The following DNAH5 variants were observed in gnomAD, a reference collection of about 807,000 sequenced individuals.
The protein encoded by DNAH5 is axonemal beta dynein heavy chain 5.
A neutral mutation model predicts 518.2 loss-of-function variants in DNAH5; 372 were observed. The ratio of observed to expected loss-of-function variants is 0.72; its 90% CI spans 0.66 to 0.78. The LOEUF is 0.78. Ranked by LOEUF, DNAH5 falls within the 30% of genes least tolerant of loss-of-function variation. DNAH5 has a pLI of 0.00. For missense variants in DNAH5, 5,523 were observed against 5,687.0 expected (o/e 0.97, Z 0.93); for synonymous variants, 2,039 against 2,025.9 (o/e 1.01, Z -0.17).
intron 38 of DNAH5, 119 bp from the exon 39 acceptor site, chr5:13,824,452 A>C: frequency 1.0e-6 from 1 of 964,682 alleles, no homozygotes; most frequent in South Asian, 1.4e-5. Context: ...CCTTCAGAAA[A>C]TGCATACACA....
At chr5:13,831,586 C>G (rs1763674639) in intron 35 of DNAH5, among the ~76,000 whole-genome samples, 1 of 152,174 alleles carries the variant, frequency 6.6e-6, no homozygotes, top group Admixed American at 6.6e-5. Flanking sequence ...ACTGAGTGCA[C>G]CAGCTGGGGG....
At chr5:13,902,516 C>G (rs894896406) in intron 12 of DNAH5, among the ~76,000 whole-genome samples, 3 of 152,188 alleles carry the variant, frequency 2.0e-5, no homozygotes, top group Non-Finnish European at 2.9e-5. Flanking sequence ...AATTGATTCA[C>G]AAGTTGGGAA....
chr5:13,974,491 C>T (rs1782098541), intron 1 of DNAH5, among the ~76,000 whole-genome samples: 1 of 152,142 alleles, frequency 6.6e-6, no homozygotes. Flanking sequence ...TCATTAATAC[C>T]TGTGATAGGA....
In DNAH5 at chr5:13,921,740, G is replaced by A. The variant is rs527653735; in HGVS notation, c.660+367C>T. ...GGATCTCTTCCCACCTCCATCTGCC[G>A]CCCACACACACCCCCCCACACACAC... On this transcript the variant is annotated intron_variant, in intron 5 of 78. Coordinates refer to ENST00000265104, the MANE Select transcript of DNAH5 (RefSeq NM_001369.3). Among the ~76,000 whole-genome samples the A allele has an allele frequency of 2.5e-4, 24 of 96,520 alleles. 2 individuals are homozygous for A. Among genetic ancestry groups the A allele is most frequent in the African/African-American group, 8.2e-4 (20 of 24,478 alleles). The allele number at this position is 96,520 out of a possible 152,430, so 63.3% of individuals were successfully genotyped here. A position where few individuals can be genotyped will look rare whatever the true frequency, so the allele number is the denominator to read the frequency against.
At chr5:13,841,297 T>TC (rs1243537213) in intron 33 of DNAH5, among the ~76,000 whole-genome samples, 167 bp from the exon 34 acceptor site, 11 of 152,224 alleles carry the variant, frequency 7.2e-5, no homozygotes, top group Non-Finnish European at 1.0e-4. Context: ...TCTTATCATT[T>TC]TGAGTCATTT....
At position 13,753,330 on chromosome 5, in the gene DNAH5, A is replaced by G; in HGVS notation, c.10775T>C (p.Ile3592Thr). Residue 3592 changes from isoleucine to threonine, a missense_variant, in exon 63 of 79, where the codon ATT becomes ACT. Ile to Thr is a moderately conservative substitution (Grantham distance 89). Coordinates refer to ENST00000265104, the MANE Select transcript of DNAH5 (RefSeq NM_001369.3). Reference protein sequence around the residue: ...PNDDLSIQNGIIVTKASRYPL... With the variant: ...PNDDLSIQNGTIVTKASRYPL... ...GTAACGAGATGCCTTCGTGACAATAATTCCATTTTGAATGGACAAGTCATC... is the reference window on the plus strand; with the variant it reads ...GTAACGAGATGCCTTCGTGACAATAGTTCCATTTTGAATGGACAAGTCATC... 6.2e-7 allele frequency: 1 copy of G among 1,613,934 alleles called. No individual in the cohort carries two copies. The highest frequency in any genetic ancestry group is 8.5e-7 in the Non-Finnish European group (1 of 1,179,836).
Position 13,727,582 on chromosome 5 carries a change from G to A in DNAH5, c.11958C>T (p.Ala3986=), listed in dbSNP as rs2126564466. Residue 3986 remains alanine (A), a synonymous_variant, in exon 70 of 79, where the codon GCC becomes GCT. Coordinates refer to ENST00000265104, the MANE Select transcript of DNAH5 (RefSeq NM_001369.3). ...TGAAGCAGTCAAGAGATTTATCATAGGCATTTGGAAGAGGTTCCTCCTCCG... is the reference window on the plus strand; with the variant it reads ...TGAAGCAGTCAAGAGATTTATCATAAGCATTTGGAAGAGGTTCCTCCTCCG... The part of the protein sequence containing the change: ...ENPEEEPLPN[A]YDKSLDCFRR... 1 of 1,613,824 alleles carries A rather than the reference G, an allele frequency of 6.2e-7. No individual in the cohort carries two copies.
chr5:13,902,660 CACAA>C (rs1774792626), intron 12 of DNAH5, among the ~76,000 whole-genome samples: 1 of 152,202 alleles, frequency 6.6e-6, no homozygotes, highest in South Asian at 2.1e-4. Flanking sequence ...ATAGACAGTA[CACAA>C]ACAAATGGGC....
At chr5:13,795,709 C>T (rs1178721502) in intron 47 of DNAH5, among the ~76,000 whole-genome samples, 2 of 150,846 alleles carry the variant, frequency 1.3e-5, no homozygotes, top group South Asian at 4.2e-4. Flanking sequence ...ATGAGGCCAG[C>T]GTCATCCTGA....
chr5:13,724,574 G>A (rs1240232491), intron 70 of DNAH5, among the ~76,000 whole-genome samples: 1 of 152,150 alleles, frequency 6.6e-6, no homozygotes, highest in Non-Finnish European at 1.5e-5. Flanking sequence ...GAGGGGCCAT[G>A]GGAGGAATAA....
intron 41 of DNAH5, among the ~76,000 whole-genome samples, chr5:13,819,174 TGA>T: frequency 6.6e-6 from 1 of 152,174 alleles, no homozygotes; most frequent in Non-Finnish European, 1.5e-5. Flanking sequence ...AAAATATTAT[TGA>T]GAAAAATTTG....
At chr5:13,841,580 TA>T (rs1487983042) in intron 33 of DNAH5, 111 bp downstream of exon 33, 5 of 820,644 alleles carry the variant, frequency 6.1e-6, no homozygotes, top group Non-Finnish European at 8.0e-6. Flanking sequence ...ATGAAAATCT[TA>T]ATACTGGTCT....
At chr5:13,878,515 C>A (rs182876043) in intron 21 of DNAH5, among the ~76,000 whole-genome samples, 7 of 152,312 alleles carry the variant, frequency 4.6e-5, no homozygotes, top group Admixed American at 4.6e-4. Context: ...CCTCCAGCAG[C>A]TGGAGCCACA....
At chr5:13,699,741 G>A (rs1741834999) in intron 78 of DNAH5, among the ~76,000 whole-genome samples, 1 of 152,112 alleles carries the variant, frequency 6.6e-6, no homozygotes, top group South Asian at 2.1e-4. Flanking sequence ...AATACTTGTA[G>A]TTCATAAATT....
At chr5:13,766,496 G>T (rs983816203) in intron 58 of DNAH5, among the ~76,000 whole-genome samples, 4 of 152,206 alleles carry the variant, frequency 2.6e-5, no homozygotes, top group Admixed American at 2.6e-4. Flanking sequence ...AGAATAGTCA[G>T]CACATAAGTA....
At chr5:13,930,022 G>A (rs980690725) in intron 2 of DNAH5, among the ~76,000 whole-genome samples, 42 of 152,274 alleles carry the variant, frequency 2.8e-4, no homozygotes, top group Middle Eastern at 3.4e-3. Context: ...AACAGGGACC[G>A]ACACATGGTA....
rs201266962 is a variant in DNAH5, at chr5:13,841,778, A to G, written c.5398T>C (p.Leu1800=). ...NSLLEESQSS[L]HLVIRQAAAN... ...GCTGCCTGGCGAATCACAAGATGCA[A>G]TGAGGACTGAGATTCTTCCAAAAGA... The change falls in exon 33 of 79, where the codon TTG becomes CTG. Residue 1800 remains leucine, a synonymous_variant. Coordinates refer to ENST00000265104, the MANE Select transcript of DNAH5 (RefSeq NM_001369.3). 16 of 1,614,040 alleles carry G rather than the reference A, an allele frequency of 9.9e-6. No homozygotes were observed. The highest frequency in any genetic ancestry group is 1.6e-4 in the Middle Eastern group (1 of 6,062).
At position 13,818,487 on chromosome 5, in the gene DNAH5, G is replaced by T. The variant is rs552649423; in HGVS notation, c.6842-793C>A. Among the ~76,000 whole-genome samples the T allele has an allele frequency of 1.3e-4, 20 of 152,174 alleles. No homozygotes were observed. The South Asian group carries it at 1.9e-3, about 14-fold the overall frequency. The stretch of plus-strand genomic sequence containing the variant: ...CGGAAGTGCCAAAGCACTTCCTTGC[G>T]TATATCATGTTCTCTCCAATCCCTC... On this transcript the variant is annotated intron_variant, in intron 41 of 78. Coordinates refer to ENST00000265104, the MANE Select transcript of DNAH5 (RefSeq NM_001369.3).
At position 13,922,126 on chromosome 5, in the gene DNAH5, T is replaced by C; in HGVS notation, c.641A>G (p.Gln214Arg). ...EGFVNVLSGA[Q>R]ESLKEKVNLR... ...CCTCACCTTCTCCTTCAGACTCTCC[T>C]GTGCACCCGACAGGACGTTCACAAA... The change falls in exon 5 of 79, where the codon CAG (glutamine) becomes CGG (arginine). Residue 214 changes from glutamine to arginine, a missense_variant. Coordinates refer to ENST00000265104, the MANE Select transcript of DNAH5 (RefSeq NM_001369.3). The C allele has an allele frequency of 6.2e-7, 1 of 1,614,090 alleles. No individual in the cohort carries two copies.
Sources: gnomAD v4.1 joint callset for allele counts (sites outside exome capture counted in the v4.1 genomes callset) on GRCh38, gnomAD v4.1.1 for gene constraint, MANE v1.5 for transcripts, NCBI Gene and HGNC (gene_info 2026-07-23, HGNC 2026-07-21) for gene names.